The following SOBP variants were observed in gnomAD, a reference collection of about 807,000 sequenced individuals.
SOBP encodes the protein sine oculis binding protein homolog.
SOBP carries 4 observed loss-of-function variants against 53.6 expected under a neutral mutation model. That is an observed-to-expected ratio of 0.07 (90% CI 0.04 to 0.17). The LOEUF (loss-of-function observed/expected upper bound fraction) is 0.17. SOBP is among the 10% of genes least tolerant of loss of function. The pLI is 1.00. For missense variants in SOBP, 1,088 were observed against 1,204.7 expected, an observed-to-expected ratio of 0.90 and a Z score of 1.43; for synonymous variants, 584 against 522.6, an observed-to-expected ratio of 1.12 and a Z score of -1.60.
intron 6 of SOBP, among the ~76,000 whole-genome samples, chr6:107,641,268 C>G (rs1417815095): frequency 6.6e-6 from 1 of 152,170 alleles, no homozygotes; most frequent in African/African-American, 2.4e-5. Flanking sequence ...GCACTTGCCT[C>G]AATAAGATTG....
chr6:107,517,395 TATGTCC>T (rs1391917727), intron 3 of SOBP, among the ~76,000 whole-genome samples: 1 of 151,084 alleles, frequency 6.6e-6, no homozygotes, highest in Non-Finnish European at 1.5e-5. Flanking sequence ...GCCTTTTTAC[TATGTCC>T]TCATGTGGTG....
intron 1 of SOBP, among the ~76,000 whole-genome samples, chr6:107,499,687 A>G (rs1280003290): frequency 6.6e-6 from 1 of 152,232 alleles, no homozygotes. Context: ...TATTTCTTAT[A>G]TAAGTAGAAG....
intron 3 of SOBP, among the ~76,000 whole-genome samples, chr6:107,524,731 T>C (rs1783613187): frequency 6.6e-6 from 1 of 152,220 alleles, no homozygotes; most frequent in Non-Finnish European, 1.5e-5. Context: ...AGGAGGCTCC[T>C]GGCAATTGAG....
At chr6:107,647,195 GT>G (rs1227235345) in intron 6 of SOBP, among the ~76,000 whole-genome samples, 1 of 152,162 alleles carries the variant, frequency 6.6e-6, no homozygotes, top group African/African-American at 2.4e-5. Flanking sequence ...CTTTCTACAT[GT>G]AGGCAGTGTT....
chr6:107,492,198 AGTT>A (rs747734592), intron 1 of SOBP, among the ~76,000 whole-genome samples: 57 of 152,278 alleles, frequency 3.7e-4, no homozygotes, highest in South Asian at 3.7e-3. Flanking sequence ...GACCGGTAGA[AGTT>A]GTTGTTTTTT....
At chr6:107,618,072 G>A (rs1263976523) in intron 5 of SOBP, among the ~76,000 whole-genome samples, 2 of 151,904 alleles carry the variant, frequency 1.3e-5, no homozygotes, top group Admixed American at 6.6e-5. Flanking sequence ...CAGGTGATGC[G>A]CCCGCCTCAG....
At chr6:107,649,422 A>G (rs1771706599) in intron 6 of SOBP, among the ~76,000 whole-genome samples, 1 of 151,890 alleles carries the variant, frequency 6.6e-6, no homozygotes, top group Non-Finnish European at 1.5e-5. Flanking sequence ...GGCTGCAGTG[A>G]GCCATGATGG....
intron 5 of SOBP, among the ~76,000 whole-genome samples, chr6:107,630,903 A>G (rs555872326): frequency 6.6e-6 from 1 of 152,312 alleles, no homozygotes; most frequent in East Asian, 1.9e-4. Flanking sequence ...GTTTGATGAA[A>G]TAGGATTTTG....
At chr6:107,615,380 C>G (rs764905435) in intron 5 of SOBP, among the ~76,000 whole-genome samples, 15 of 152,056 alleles carry the variant, frequency 9.9e-5, no homozygotes, top group Non-Finnish European at 1.8e-4. Flanking sequence ...TAGGTATTTT[C>G]TAGGGATTAT....
chr6:107,535,155 T>A (rs1315658051), intron 4 of SOBP, among the ~76,000 whole-genome samples: 1 of 152,192 alleles, frequency 6.6e-6, no homozygotes, highest in Non-Finnish European at 1.5e-5. Context: ...TTTGTCACAA[T>A]CCTGGTGATA....
intron 3 of SOBP, among the ~76,000 whole-genome samples, chr6:107,526,096 C>T (rs912128004): frequency 2.7e-4 from 41 of 151,992 alleles, no homozygotes; most frequent in Admixed American, 9.2e-4. Context: ...TACAGGCAGC[C>T]GCCACCATGC....
At position 107,660,963 on chromosome 6, in the gene SOBP, T is replaced by G. The variant is rs1315404892; in HGVS notation, c.*2760T>G. ...TGGTGCAGAGTTATATTTATGGCGGTGACTCCGTCTGAACTCTGCCGAGGC... is the reference window on the plus strand; with the variant it reads ...TGGTGCAGAGTTATATTTATGGCGGGGACTCCGTCTGAACTCTGCCGAGGC... On this transcript the variant is annotated 3_prime_UTR_variant, in exon 7 of 7. Transcript: ENST00000317357. Among the ~76,000 whole-genome samples, 3 of 152,188 alleles carry G rather than the reference T, an allele frequency of 2.0e-5. No homozygotes were observed. The highest frequency in any genetic ancestry group is 3.9e-4 in the East Asian group (2 of 5,192).
At chr6:107,494,866 A>G (rs1782661226) in intron 1 of SOBP, among the ~76,000 whole-genome samples, 1 of 152,176 alleles carries the variant, frequency 6.6e-6, no homozygotes, top group Admixed American at 6.5e-5. Context: ...TGATGGTCTC[A>G]ATTTGGCATT....
rs375402260 is a variant in SOBP at position 107,634,626 on chromosome 6, C to T, written c.1782C>T (p.Ser594=). Residue 594 remains serine (S), a synonymous_variant, in exon 6 of 7, where the codon TCC becomes TCT. Coordinates refer to ENST00000317357, the MANE Select transcript of SOBP (RefSeq NM_018013.4). This position sits in a 1 kb window ranked among gnomAD's most constrained non-coding sequence, Gnocchi z 4.5. ...ACTCCAAGCAGGGCTCGTCCAAGTC[C>T]GCGGACTCGCCCCCCGGCTGCTCGG... is the stretch of plus-strand genomic sequence containing the variant. ...PRDSKQGSSK[S]ADSPPGCSGQ... is the part of the protein sequence containing the mutation. 3 of 1,587,684 alleles carry T rather than the reference C, an allele frequency of 1.9e-6. No homozygotes were observed. The highest frequency in any genetic ancestry group is 1.7e-5 in the Admixed American group (1 of 58,924).
At chr6:107,500,736 A>G (rs183356783) in intron 1 of SOBP, among the ~76,000 whole-genome samples, 1,744 of 152,038 alleles carry the variant, frequency 0.011, 35 homozygotes, top group African/African-American at 0.04. Context: ...CATGTTAGCC[A>G]GGATGGTCTC....
intron 4 of SOBP, among the ~76,000 whole-genome samples, chr6:107,548,261 T>G (rs1050041168): frequency 2.6e-5 from 4 of 151,480 alleles, no homozygotes; most frequent in Admixed American, 6.6e-5. Flanking sequence ...TCTTTTTGTT[T>G]TTTTTTTTTT....
chr6:107,622,212 C>T (rs1770211542), intron 5 of SOBP, among the ~76,000 whole-genome samples: 1 of 152,142 alleles, frequency 6.6e-6, no homozygotes, highest in African/African-American at 2.4e-5. Context: ...AGACGGGGTG[C>T]CAGAGGGCAC....
At chr6:107,651,184 C>T (rs1771787746) in intron 6 of SOBP, among the ~76,000 whole-genome samples, 1 of 152,164 alleles carries the variant, frequency 6.6e-6, no homozygotes, top group Admixed American at 6.5e-5. Flanking sequence ...GGAGGATCAC[C>T]TGAGCCTGGG....
At chr6:107,631,526 T>C (rs1159424031) in intron 5 of SOBP, among the ~76,000 whole-genome samples, 1 of 152,194 alleles carries the variant, frequency 6.6e-6, no homozygotes, top group Non-Finnish European at 1.5e-5. Context: ...GATGAAAAAT[T>C]TGAGGGTCTG....
Sources: gnomAD v4.1 joint callset for allele counts (sites outside exome capture counted in the v4.1 genomes callset) on GRCh38, gnomAD v4.1.1 for gene constraint, Gnocchi (gnomAD v3.1) non-coding constraint, MANE v1.5 for transcripts, NCBI Gene and HGNC (gene_info 2026-07-23, HGNC 2026-07-21) for gene names.